Variants in FRMD1 observed in about 807,000 individuals in gnomAD.
FRMD1 encodes the protein FERM domain containing 1.
A neutral mutation model predicts 54.9 loss-of-function variants in FRMD1; 51 were observed. The observed-to-expected ratio is 0.93, with a 90% CI of 0.74 to 1.17. FRMD1 has a LOEUF of 1.17. FRMD1 is among the 50% of genes most tolerant of loss of function. The pLI, the probability that FRMD1 is intolerant of heterozygous loss-of-function variation, is 0.00. For synonymous variants in FRMD1, 324 were observed against 306.4 expected, an observed-to-expected ratio of 1.06 and a Z score of -0.60; for missense variants, 729 against 743.0, an observed-to-expected ratio of 0.98 and a Z score of 0.22.
At chr6:168,066,113 A>G (rs1800012176) in intron 4 of FRMD1, 1 of 992,322 alleles carries the variant, frequency 1.0e-6, no homozygotes, top group Admixed American at 6.1e-5. Flanking sequence ...CGCAGCAAGC[A>G]TAGCAGCCCT....
Position 168,092,193 on chromosome 6 carries a change from G to A in FRMD1, c.-12+9232C>T, listed in dbSNP as rs149586159. On this transcript the variant is annotated intron_variant, in intron 1 of 12. Coordinates refer to the FRMD1 transcript ENST00000644440. ...CTGCTCTGAGGCTTGATGGGACCAG[G>A]ATGGTCTTCCTTATTCATCTATCAT... Among the ~76,000 whole-genome samples the A allele has an allele frequency of 2.2e-3, 342 of 152,374 alleles. 2 individuals carry two copies. Among genetic ancestry groups the A allele is most frequent in the African/African-American group, 7.7e-3 (319 of 41,584 alleles).
intron 7 of FRMD1, chr6:168,062,614 G>C: frequency 6.7e-7 from 1 of 1,487,472 alleles, no homozygotes; most frequent in Non-Finnish European, 9.1e-7. Context: ...AATGCCCCGA[G>C]GATGAAGCTG....
chr6:168,075,436 C>A, intron 1 of FRMD1, 101 bp from the exon 2 acceptor site: 1 of 891,392 alleles, frequency 1.1e-6, no homozygotes, highest in Non-Finnish European at 1.8e-6. Flanking sequence ...GTGGACGACC[C>A]AGTCAGGCAT....
upstream of FRMD1, among the ~76,000 whole-genome samples, chr6:168,082,258 G>A (rs1359395104): frequency 3.9e-5 from 6 of 152,316 alleles, no homozygotes; most frequent in East Asian, 1.9e-4. Flanking sequence ...TGCGATGGCC[G>A]CAACACCCAG....
Position 168,066,818 on chromosome 6 carries a change from G to C in FRMD1, c.398C>G (p.Pro133Arg). 6.2e-7 allele frequency: 1 copy of C among 1,613,784 alleles called. No individual in the cohort carries two copies. ...GAGGAAGGCCACGAAGGGGGCTCTG[G>C]GTTTCTCATTTCCCTAGTGGGGAAA... ...KKERNEGNEK[P>R]RAPFVAFLRV... The change falls in exon 4 of 11, where the codon CCC becomes CGC. Residue 133 changes from proline (P) to arginine (R), a missense_variant. Pro to Arg is a moderately radical substitution (Grantham distance 103). Transcript: ENST00000283309.
intron 1 of FRMD1, chr6:168,075,994 A>G (rs1033871795): frequency 3.0e-6 from 3 of 988,714 alleles, no homozygotes; most frequent in African/African-American, 3.2e-5. Flanking sequence ...CGCATGTGAC[A>G]CTACTTCACG....
intron 5 of FRMD1, 97 bp downstream of exon 5, chr6:168,064,774 G>A (rs2114975616): frequency 6.8e-7 from 1 of 1,472,880 alleles, no homozygotes; most frequent in Non-Finnish European, 9.0e-7. Context: ...AGCAGCCCCT[G>A]CCAGGCCCTC....
chr6:168,070,102 C>A (rs1162011692), intron 2 of FRMD1, among the ~76,000 whole-genome samples: 1 of 151,978 alleles, frequency 6.6e-6, no homozygotes, highest in Non-Finnish European at 1.5e-5. Context: ...TATGCATCTG[C>A]AGTCCCAGCC....
chr6:168,077,278 CGA>C (rs1800638268), intron 1 of FRMD1, among the ~76,000 whole-genome samples: 2 of 113,940 alleles, frequency 1.8e-5, no homozygotes, highest in Non-Finnish European at 2.2e-5. Flanking sequence ...GCACACACTC[CGA>C]TGGGGGGGGG....
At chr6:168,091,191 G>T (rs559785715) in intron 1 of FRMD1, among the ~76,000 whole-genome samples, 1 of 152,298 alleles carries the variant, frequency 6.6e-6, no homozygotes, top group South Asian at 2.1e-4. Context: ...AACTAAAATG[G>T]TTACTGCCAG....
At chr6:168,072,918 C>T (rs1350392464) in intron 2 of FRMD1, among the ~76,000 whole-genome samples, 1 of 152,196 alleles carries the variant, frequency 6.6e-6, no homozygotes, top group Non-Finnish European at 1.5e-5. Context: ...GAGTGACTCT[C>T]ACTGTGATTA....
chr6:168,058,107 C>T (rs1799508290), intron 10 of FRMD1, among the ~76,000 whole-genome samples: 1 of 152,228 alleles, frequency 6.6e-6, no homozygotes, highest in African/African-American at 2.4e-5. Flanking sequence ...CCGCGCCTGC[C>T]AGGACTTGCA....
upstream of FRMD1, chr6:168,081,377 G>A (rs1385435247): frequency 2.5e-5 from 38 of 1,534,768 alleles, no homozygotes; most frequent in Middle Eastern, 3.3e-4. Context: ...TGGCCTGTTC[G>A]TGATGGAAGA....
chr6:168,081,730 G>A (rs540872760), upstream of FRMD1: 26 of 460,328 alleles, frequency 5.6e-5, no homozygotes, highest in African/African-American at 3.3e-4. Flanking sequence ...GCAAAAGGCC[G>A]GGCTCCATTC....
In FRMD1 at chr6:168,059,494, A is replaced by G. The variant is rs1044863948; in HGVS notation, c.1343-306T>C. 2.0e-5 allele frequency among the ~76,000 whole-genome samples: 3 copies of G among 152,196 alleles called. No individual in the cohort carries two copies. Among genetic ancestry groups the G allele is most frequent in the African/African-American group, 7.2e-5 (3 of 41,454 alleles). On this transcript the variant is annotated intron_variant, in intron 9 of 10. Coordinates refer to ENST00000283309, the MANE Select transcript of FRMD1 (RefSeq NM_024919.6). The surrounding 1 kb of genome is among the most constrained non-coding windows in gnomAD (Gnocchi z 4.4). ...CCTTCCTGGTGGACCAGACACTCCA[A>G]GGGCAATGGCGGACACAGTGGCTTA...
At position 168,056,370 on chromosome 6, in the gene FRMD1, G is replaced by C. The variant is rs1244762243; in HGVS notation, c.*727C>G. 6.6e-6 allele frequency: 1 copy of C among 152,358 alleles called. No individual in the cohort carries two copies. Among genetic ancestry groups the C allele is most frequent in the Non-Finnish European group, 1.5e-5 (1 of 68,120 alleles). 9.4% of individuals were successfully genotyped at this position (152,358 alleles called of 1,614,324 possible). On this transcript the variant is annotated 3_prime_UTR_variant, in exon 11 of 11. Coordinates refer to ENST00000283309, the MANE Select transcript of FRMD1 (RefSeq NM_024919.6). The stretch of plus-strand genomic sequence containing the variant: ...AATGGCTTAAGGAAGCCACCTGTGA[G>C]CAGAGTGGGTCCTGAGGCCTCATGG...
chr6:168,065,092 C>T (rs768224766), intron 4 of FRMD1, 35 bp from the exon 5 acceptor site: 17 of 1,572,556 alleles, frequency 1.1e-5, no homozygotes, highest in Non-Finnish European at 1.4e-5. Flanking sequence ...CCAGGACGAC[C>T]GGTGTGGGGA....
Position 168,060,872 on chromosome 6 carries a change from T to C in FRMD1, c.1231A>G (p.Arg411Gly). 6.2e-7 allele frequency: 1 copy of C among 1,613,816 alleles called. No individual in the cohort carries two copies. The highest frequency in any genetic ancestry group is 1.7e-5 in the Admixed American group (1 of 60,032). ...IKANSWLRESREMSVDVPLEV... is the reference protein window; with the variant it reads ...IKANSWLRESGEMSVDVPLEV... ...AAGGGCACGTCCACAGACATCTCTCTGGATTCCCTGAGCCAGGAGTTGGCC... is the reference window on the plus strand; with the variant it reads ...AAGGGCACGTCCACAGACATCTCTCCGGATTCCCTGAGCCAGGAGTTGGCC... Residue 411 changes from arginine to glycine, a missense_variant, in exon 9 of 11, where the codon AGA becomes GGA. Arg to Gly is a moderately radical substitution (Grantham distance 125). Coordinates refer to ENST00000283309, the MANE Select transcript of FRMD1 (RefSeq NM_024919.6).
intron 1 of FRMD1, among the ~76,000 whole-genome samples, chr6:168,078,652 ACCCAGG>A (rs1316907308): frequency 1.5e-4 from 4 of 26,028 alleles, no homozygotes; most frequent in African/African-American, 4.4e-4. Context: ...CCCCACGGCC[ACCCAGG>A]GCCCTGCTCA....
Sources: allele counts gnomAD v4.1 joint callset (sites outside exome capture counted in the v4.1 genomes callset), GRCh38; gene constraint gnomAD v4.1.1; non-coding constraint Gnocchi (gnomAD v3.1); transcripts MANE v1.5; gene names NCBI Gene and HGNC (gene_info 2026-07-23, HGNC 2026-07-21).